Variants in ENPP1 observed in about 807,000 individuals in gnomAD.
ENPP1 encodes ectonucleotide pyrophosphatase/phosphodiesterase 1, also known as ectonucleotide pyrophosphatase/phosphodiesterase family member 1.
ENPP1 carries 73 observed loss-of-function variants against 122.8 expected under a neutral mutation model. The ratio of observed to expected loss-of-function variants is 0.59; its 90% CI spans 0.49 to 0.72. The LOEUF (loss-of-function observed/expected upper bound fraction) is 0.72, where lower values mean the gene tolerates loss of function less well. Among genes scored for constraint, ENPP1 ranks in the 30% least tolerant of loss-of-function variants. ENPP1 has a pLI of 0.00. For missense variants in ENPP1, 978 were observed against 1,128.1 expected (o/e 0.87, Z 1.91); for synonymous variants, 367 against 391.6 (o/e 0.94, Z 0.74).
At chr6:131,861,199 GT>G (rs1782018992) in intron 8 of ENPP1, among the ~76,000 whole-genome samples, 1 of 152,098 alleles carries the variant, frequency 6.6e-6, no homozygotes, top group Admixed American at 6.5e-5. Context: ...TAGGATTATT[GT>G]GAGGATTATG....
In ENPP1 at chr6:131,850,056, T is replaced by C. The variant is rs745895444; in HGVS notation, c.380T>C (p.Val127Ala). The change falls in exon 3 of 25, where the codon GTT becomes GCT. Residue 127 changes from valine to alanine, a missense_variant. Physicochemically the swap from Val to Ala is moderately conservative, Grantham distance 64 (BLOSUM62 0). This residue lies in a region of ENPP1 where 330 missense variants were observed against 328.5 expected (regional missense o/e 1.00). Transcript: ENST00000647893. ...FGNCRCDAAC[V>A]ELGNCCLDYQ... ...AACTGTCGCTGTGATGCTGCCTGTG[T>C]TGAGCTTGGAAACTGCTGTTTAGAT... The C allele has an allele frequency of 1.2e-6, 2 of 1,614,092 alleles. No individual in the cohort carries two copies. Among genetic ancestry groups the C allele is most frequent in the Non-Finnish European group, 1.7e-6 (2 of 1,179,960 alleles).
At chr6:131,869,696 A>G (rs982032948) in intron 13 of ENPP1, among the ~76,000 whole-genome samples, 12 of 151,848 alleles carry the variant, frequency 7.9e-5, no homozygotes, top group African/African-American at 2.9e-4. Context: ...TCTATACTAA[A>G]AATACAAAAA....
intron 11 of ENPP1, among the ~76,000 whole-genome samples, chr6:131,866,011 G>A (rs973331541): frequency 6.7e-6 from 1 of 148,398 alleles, no homozygotes; most frequent in East Asian, 1.9e-4. Flanking sequence ...AAAAAAAAGA[G>A]AAAAAGAAAA....
chr6:131,826,901 G>A (rs1781553086), intron 1 of ENPP1: 2 of 384,612 alleles, frequency 5.2e-6, no homozygotes, highest in South Asian at 4.9e-5. Context: ...AGATTCTTCA[G>A]GTGAAATACC....
In ENPP1 at chr6:131,850,096, C is replaced by A. The variant is rs1366094371; in HGVS notation, c.420C>A (p.Cys140Ter). The A allele has an allele frequency of 1.9e-6, 3 of 1,605,268 alleles. No homozygotes were observed. The highest frequency in any genetic ancestry group is 1.3e-5 in the African/African-American group (1 of 74,668). ...GCTGTTTAGATTACCAGGAGACGTGCATAGAACCAGGTAAGGATGAGCAGG... is the reference window on the plus strand; with the variant it reads ...GCTGTTTAGATTACCAGGAGACGTGAATAGAACCAGGTAAGGATGAGCAGG... The part of the protein sequence containing the change: ...GNCCLDYQET[C>*]IEPEHIWTCN... Residue 140 changes from cysteine (C) to a stop codon, truncating the protein, a stop_gained, in exon 3 of 25, where the codon TGC (cysteine) becomes TGA (stop). Coordinates refer to ENST00000647893, the MANE Select transcript of ENPP1 (RefSeq NM_006208.3). LOFTEE classifies it high-confidence loss of function.
chr6:131,864,680 C>A (rs779797236), intron 10 of ENPP1, 109 bp downstream of exon 10: 3 of 858,540 alleles, frequency 3.5e-6, no homozygotes, highest in Non-Finnish European at 3.8e-6. Context: ...TGTTTTATAT[C>A]GAAATAAATT....
At chr6:131,859,612 G>A (rs1351319513) in intron 7 of ENPP1, among the ~76,000 whole-genome samples, 1 of 26,058 alleles carries the variant, frequency 3.8e-5, no homozygotes, top group African/African-American at 1.7e-4. Flanking sequence ...GGGCGGATGG[G>A]GGGAATGTGG....
At position 131,827,539 on chromosome 6, in the gene ENPP1, C is replaced by T. The variant is rs1393392695; in HGVS notation, c.240+19264C>T. On this transcript the variant is annotated intron_variant, in intron 1 of 24. Transcript: ENST00000647893. ...TGGTAGGCTTATATCCTGTAAAAGC[C>T]TACATGTCAACTGAACAGTCAATTT... 3 of 610,658 alleles carry T rather than the reference C, an allele frequency of 4.9e-6. No individual in the cohort carries two copies. In the African/African-American group the frequency reaches 5.5e-5, roughly 11 times the overall value. The allele number at this position is 610,658 out of a possible 1,614,324, so 37.8% of individuals were successfully genotyped here.
At chr6:131,828,076 G>T (rs1781567354) in intron 1 of ENPP1, 4 of 633,346 alleles carry the variant, frequency 6.3e-6, no homozygotes, top group African/African-American at 5.5e-5. Flanking sequence ...CAAACCAATG[G>T]AGCTGTTTCT....
At chr6:131,864,995 C>T (rs1194433073) in intron 11 of ENPP1, 57 bp downstream of exon 11, 11 of 1,084,748 alleles carry the variant, frequency 1.0e-5, no homozygotes, top group South Asian at 5.0e-5. Flanking sequence ...AACTGAACCT[C>T]GCTTTGAAGG....
At chr6:131,883,277 T>C (rs1362812715) in intron 21 of ENPP1, among the ~76,000 whole-genome samples, 1 of 152,182 alleles carries the variant, frequency 6.6e-6, no homozygotes, top group Non-Finnish European at 1.5e-5. Flanking sequence ...CCTTGTATGG[T>C]GTTTCGAGAC....
Position 131,882,370 on chromosome 6 carries a change from C to T in ENPP1, c.2126C>T (p.Ser709Phe). The T allele has an allele frequency of 1.2e-6, 2 of 1,604,944 alleles. No homozygotes were observed. The highest frequency in any genetic ancestry group is 1.7e-6 in the Non-Finnish European group (2 of 1,174,090). ...RNDSFSTEDFSNCLYQDFRIP... is the reference protein window; with the variant it reads ...RNDSFSTEDFFNCLYQDFRIP... ...GACAGTTTCTCTACGGAAGACTTCT[C>T]CAACTGTCTGTACCAGGACTTTAGA... Residue 709 changes from serine to phenylalanine, a missense_variant, in exon 21 of 25, where the codon TCC (serine) becomes TTC (phenylalanine). This residue lies in a region of ENPP1 where 644 missense variants were observed against 781.5 expected (regional missense o/e 0.82). Transcript: ENST00000647893.
intron 20 of ENPP1, among the ~76,000 whole-genome samples, chr6:131,880,698 A>G (rs369010202): frequency 1.1e-4 from 16 of 152,208 alleles, no homozygotes; most frequent in African/African-American, 2.7e-4. Context: ...CCATTTCTAA[A>G]TACATGGCTG....
At chr6:131,816,748 G>C (rs1281837064) in intron 1 of ENPP1, among the ~76,000 whole-genome samples, 1 of 152,160 alleles carries the variant, frequency 6.6e-6, no homozygotes, top group Non-Finnish European at 1.5e-5. Flanking sequence ...AGTGTAGGTG[G>C]TAGAAGTTTA....
At position 131,894,136 on chromosome 6, in the gene ENPP1, G is replaced by A. The variant is rs150482147; in HGVS notation, c.*3625G>A. On this transcript the variant is annotated 3_prime_UTR_variant, in exon 25 of 25. Coordinates refer to ENST00000647893, the MANE Select transcript of ENPP1 (RefSeq NM_006208.3). ...GCCTGGCTAATTTTTTGTATTTTTA[G>A]TAGAGAATGGAGTTTCACCGTGTTA... 3,636 of 151,334 alleles carry A rather than the reference G, an allele frequency of 0.024. 59 individuals carry two copies. Among genetic ancestry groups the A allele is most frequent in the Middle Eastern group, 0.065 (19 of 294 alleles). 9.4% of individuals were successfully genotyped at this position (151,334 alleles called of 1,614,324 possible). A position where few individuals can be genotyped will look rare whatever the true frequency, so the allele number is the denominator to read the frequency against.
At chr6:131,812,687 C>T (rs1019672925) in intron 1 of ENPP1, among the ~76,000 whole-genome samples, 1 of 152,132 alleles carries the variant, frequency 6.6e-6, no homozygotes, top group African/African-American at 2.4e-5. Context: ...GAATGTGCAC[C>T]TGAGGCAGTT....
intron 7 of ENPP1, 85 bp from the exon 8 acceptor site, chr6:131,860,302 G>T: frequency 9.6e-7 from 1 of 1,045,530 alleles, no homozygotes; most frequent in Non-Finnish European, 1.4e-6. Flanking sequence ...TTCAGTTATC[G>T]GTTTCTTTTT....
intron 18 of ENPP1, among the ~76,000 whole-genome samples, chr6:131,878,144 C>T (rs2114721883): frequency 6.6e-6 from 1 of 151,968 alleles, no homozygotes; most frequent in Admixed American, 6.6e-5. Flanking sequence ...CCTGTAATCC[C>T]AGTACTTTGG....
intron 19 of ENPP1, among the ~76,000 whole-genome samples, chr6:131,879,350 G>C (rs989315308): frequency 4.6e-5 from 7 of 152,056 alleles, no homozygotes; most frequent in African/African-American, 1.7e-4. Context: ...TTCCTTATCT[G>C]TAAAATGGGC....
Sources: gnomAD v4.1 joint callset for allele counts (sites outside exome capture counted in the v4.1 genomes callset) on GRCh38, gnomAD v4.1.1 for gene constraint, gnomAD v4.1.1 regional missense constraint, MANE v1.5 for transcripts, NCBI Gene and HGNC (gene_info 2026-07-23, HGNC 2026-07-21) for gene names.